SLC4A7: variants seen among roughly 807,000 people sequenced by gnomAD.
SLC4A7 encodes the protein solute carrier family 4 member 7.
Under a neutral mutation model 137.6 loss-of-function variants are expected in SLC4A7, and 51 were observed. The ratio of observed to expected loss-of-function variants is 0.37; its 90% CI spans 0.30 to 0.47. SLC4A7 has a LOEUF of 0.47. Among genes scored for constraint, SLC4A7 ranks in the 20% least tolerant of loss-of-function variants. The pLI, the probability that SLC4A7 is intolerant of heterozygous loss-of-function variation, is 1.00. For synonymous variants in SLC4A7, 542 were observed against 518.6 expected, an observed-to-expected ratio of 1.05 and a Z score of -0.61; for missense variants, 1,247 against 1,525.4, an observed-to-expected ratio of 0.82 and a Z score of 3.04.
At position 27,433,873 on chromosome 3, in the gene SLC4A7, A is replaced by C. The variant is rs200903668; in HGVS notation, c.778+43T>G. ...TCGTAACATACTGGAAAGCTGTTACAGTAGAAGTGTTAGCAAAAATTGGAT... is the reference window on the plus strand; with the variant it reads ...TCGTAACATACTGGAAAGCTGTTACCGTAGAAGTGTTAGCAAAAATTGGAT... On this transcript the variant is annotated intron_variant, in intron 6 of 25. Transcript: ENST00000454389. 7.8e-6 allele frequency: 12 copies of C among 1,530,264 alleles called. No individual in the cohort carries two copies. In the East Asian group the frequency reaches 1.8e-4, roughly 23 times the overall value. The allele number at this position is 1,530,264 out of a possible 1,614,324, so 94.8% of individuals were successfully genotyped here.
rs1221256284 is a variant in SLC4A7 at position 27,420,145 on chromosome 3, C to T, written c.1512+555G>A. Among the ~76,000 whole-genome samples the T allele has an allele frequency of 1.1e-4, 16 of 148,600 alleles. No individual in the cohort carries two copies. In the Admixed American group the frequency reaches 1.1e-3, roughly 10 times the overall value. ...GCACCACTGCACTCCAGCCTGGCAA[C>T]AGAGTGAGACTCTGTCTCAAAAAAA... On this transcript the variant is annotated intron_variant, in intron 10 of 25. Coordinates refer to ENST00000454389, the MANE Select transcript of SLC4A7 (RefSeq NM_001321103.2).
chr3:27,435,217 C>T (rs2056638521), intron 5 of SLC4A7, among the ~76,000 whole-genome samples: 1 of 152,126 alleles, frequency 6.6e-6, no homozygotes, highest in Non-Finnish European at 1.5e-5. Context: ...GTAGTCCCAC[C>T]ATCAAATTCA....
rs893391936 is a variant in SLC4A7 at position 27,464,296 on chromosome 3, C to A, written c.61-11798G>T. 2.0e-5 allele frequency among the ~76,000 whole-genome samples: 3 copies of A among 152,248 alleles called. No homozygotes were observed. The South Asian group carries it at 6.2e-4, about 32-fold the overall frequency. On this transcript the variant is annotated intron_variant, in intron 1 of 25. Coordinates refer to ENST00000454389, the MANE Select transcript of SLC4A7 (RefSeq NM_001321103.2). ...GGATATATAAGTTAGTCTGTTTCAA[C>A]GAAGATCATGTTTCTCTAGAGAGAT...
intron 24 of SLC4A7, 124 bp from the exon 25 acceptor site, chr3:27,379,480 T>A (rs1448056948): frequency 1.7e-6 from 1 of 574,156 alleles, no homozygotes; most frequent in Non-Finnish European, 3.1e-6. Context: ...AGAATTTGAA[T>A]TCTGTTACAA....
intron 3 of SLC4A7, among the ~76,000 whole-genome samples, chr3:27,439,933 T>G (rs2150431639): frequency 6.6e-6 from 1 of 152,366 alleles, no homozygotes; most frequent in Non-Finnish European, 1.5e-5. Context: ...AGTTTTATCA[T>G]GGATAGGTAT....
chr3:27,419,344 G>A (rs911190543), intron 10 of SLC4A7, among the ~76,000 whole-genome samples: 2 of 151,616 alleles, frequency 1.3e-5, no homozygotes, highest in Admixed American at 6.6e-5. Flanking sequence ...CGAGGCAGGC[G>A]GATCGCCTGA....
chr3:27,440,377 A>T (rs1286465372), intron 3 of SLC4A7, among the ~76,000 whole-genome samples: 1 of 152,094 alleles, frequency 6.6e-6, no homozygotes, highest in East Asian at 1.9e-4. Flanking sequence ...CTTACTAAGG[A>T]TCCCTATGAT....
chr3:27,427,277 T>A (rs968529566), intron 7 of SLC4A7, among the ~76,000 whole-genome samples: 1 of 151,150 alleles, frequency 6.6e-6, no homozygotes, highest in Admixed American at 6.6e-5. Context: ...ACCACTGAGT[T>A]AGAAAAAGGT....
At chr3:27,414,518 ACAT>A (rs915491252) in intron 11 of SLC4A7, among the ~76,000 whole-genome samples, 120 of 152,328 alleles carry the variant, frequency 7.9e-4, no homozygotes, top group African/African-American at 2.3e-3. Context: ...TAATGGAAAT[ACAT>A]CATAATTTCT....
intron 1 of SLC4A7, among the ~76,000 whole-genome samples, chr3:27,461,380 C>G (rs1258165803): frequency 2.6e-5 from 4 of 151,712 alleles, no homozygotes; most frequent in Non-Finnish European, 5.9e-5. Context: ...ACCTGAGTGA[C>G]GAAGCGAGAC....
intron 1 of SLC4A7, among the ~76,000 whole-genome samples, chr3:27,453,599 A>T (rs1055867920): frequency 3.9e-5 from 6 of 152,228 alleles, no homozygotes; most frequent in Non-Finnish European, 5.9e-5. Context: ...GGCAACAAGC[A>T]TGAAACTCCG....
chr3:27,453,243 CATT>C (rs1274457125), intron 1 of SLC4A7, among the ~76,000 whole-genome samples: 1 of 152,204 alleles, frequency 6.6e-6, no homozygotes, highest in African/African-American at 2.4e-5. Flanking sequence ...TTCTAATCAT[CATT>C]AACTACTTAT....
chr3:27,441,139 G>A (rs1358642637), intron 3 of SLC4A7, among the ~76,000 whole-genome samples: 1 of 152,172 alleles, frequency 6.6e-6, no homozygotes, highest in Non-Finnish European at 1.5e-5. Flanking sequence ...GGGTTTAGGA[G>A]ATGAATATCT....
intron 1 of SLC4A7, among the ~76,000 whole-genome samples, chr3:27,461,991 T>G (rs2150630626): frequency 6.6e-6 from 1 of 152,112 alleles, no homozygotes; most frequent in East Asian, 1.9e-4. Context: ...GTAATTCCCT[T>G]ACGTAAAAAT....
At chr3:27,400,724 A>G (rs1189673660) in intron 16 of SLC4A7, 40 bp downstream of exon 16, 4 of 1,167,130 alleles carry the variant, frequency 3.4e-6, no homozygotes, top group South Asian at 1.3e-5. Flanking sequence ...GAACCAGATC[A>G]ATATCTATTA....
chr3:27,471,484 A>G (rs1252391339), intron 1 of SLC4A7, among the ~76,000 whole-genome samples: 3 of 152,030 alleles, frequency 2.0e-5, no homozygotes, highest in African/African-American at 7.2e-5. Context: ...AGTTCACCAC[A>G]ACCTCTGCCT....
intron 5 of SLC4A7, among the ~76,000 whole-genome samples, chr3:27,434,636 G>A (rs1382238841): frequency 2.0e-5 from 3 of 152,072 alleles, no homozygotes; most frequent in Non-Finnish European, 4.4e-5. Flanking sequence ...AACGTCATGA[G>A]GTCATAAGTT....
At chr3:27,382,834 A>C (rs2050559883) in intron 24 of SLC4A7, among the ~76,000 whole-genome samples, 1 of 152,190 alleles carries the variant, frequency 6.6e-6, no homozygotes, top group Admixed American at 6.5e-5. Flanking sequence ...TACTGGGAAA[A>C]TGGAAATATT....
chr3:27,460,067 C>T (rs948288519), intron 1 of SLC4A7, among the ~76,000 whole-genome samples: 5 of 150,994 alleles, frequency 3.3e-5, no homozygotes, highest in Non-Finnish European at 5.9e-5. Flanking sequence ...GACAGGGTCT[C>T]GCTCTGTCGC....
Sources: allele counts gnomAD v4.1 joint callset (sites outside exome capture counted in the v4.1 genomes callset), GRCh38; gene constraint gnomAD v4.1.1; transcripts MANE v1.5; gene names NCBI Gene and HGNC (gene_info 2026-07-23, HGNC 2026-07-21).